Variants in HPSE2 observed in about 807,000 individuals in gnomAD.
HPSE2 encodes the protein heparanase 2 (inactive).
In HPSE2, 38 loss-of-function variants were observed where a neutral mutation model predicts 60.5. That is an observed-to-expected ratio of 0.63 (90% CI 0.48 to 0.82). The LOEUF is 0.82. HPSE2 is among the 40% of genes least tolerant of loss of function. The pLI, the probability that HPSE2 is intolerant of heterozygous loss-of-function variation, is 0.00. For synonymous variants in HPSE2, 295 were observed against 293.2 expected, an observed-to-expected ratio of 1.01 and a Z score of -0.06; for missense variants, 713 against 740.4, an observed-to-expected ratio of 0.96 and a Z score of 0.43.
At chr10:99,032,780 C>G (rs952147480) in intron 3 of HPSE2, among the ~76,000 whole-genome samples, 2 of 152,154 alleles carry the variant, frequency 1.3e-5, no homozygotes, top group African/African-American at 4.8e-5. Context: ...TGTCTAGAAG[C>G]TGTCCACACT....
chr10:98,579,460 A>AC (rs1315719411), intron 9 of HPSE2, among the ~76,000 whole-genome samples: 1 of 152,204 alleles, frequency 6.6e-6, no homozygotes, highest in Non-Finnish European at 1.5e-5. Context: ...TGTGGTAAGC[A>AC]AGTCACTCAG....
chr10:98,994,225 A>G (rs1320561921), intron 3 of HPSE2, among the ~76,000 whole-genome samples: 1 of 152,212 alleles, frequency 6.6e-6, no homozygotes, highest in Non-Finnish European at 1.5e-5. Flanking sequence ...ACCTCCTTTC[A>G]GTTAAGCAGC....
At chr10:98,850,551 A>G (rs2134731043) in intron 3 of HPSE2, among the ~76,000 whole-genome samples, 1 of 152,184 alleles carries the variant, frequency 6.6e-6, no homozygotes, top group African/African-American at 2.4e-5. Context: ...CCTGGCTAAC[A>G]CGGTGAAACC....
In HPSE2 at chr10:99,098,008, G is replaced by C. The variant is rs545422634; in HGVS notation, c.610+46230C>G. ...GAAGGTTCTATACTTCCCGCTGAGG[G>C]TCTATCTTTTCCATTTCCAAGTGTA... On this transcript the variant is annotated intron_variant, in intron 3 of 11. Transcript: ENST00000370552. 2.0e-5 allele frequency among the ~76,000 whole-genome samples: 3 copies of C among 152,244 alleles called. No homozygotes were observed. In the East Asian group the frequency reaches 5.8e-4, roughly 29 times the overall value.
At chr10:99,064,342 A>G (rs929340793) in intron 3 of HPSE2, among the ~76,000 whole-genome samples, 11 of 152,308 alleles carry the variant, frequency 7.2e-5, no homozygotes, top group African/African-American at 2.6e-4. Context: ...GCATAGTTTA[A>G]TCCTCTTATA....
At chr10:98,960,926 A>G (rs367690875) in intron 3 of HPSE2, among the ~76,000 whole-genome samples, 1 of 89,090 alleles carries the variant, frequency 1.1e-5, no homozygotes, top group Non-Finnish European at 2.0e-5. Context: ...AGAGTGTGAT[A>G]TTCCCCTTCC....
intron 3 of HPSE2, among the ~76,000 whole-genome samples, chr10:99,034,334 G>T (rs1957562502): frequency 6.6e-6 from 1 of 152,140 alleles, no homozygotes; most frequent in Non-Finnish European, 1.5e-5. Context: ...ATCTGTGGCT[G>T]CCATGGGTTG....
chr10:98,651,169 C>T (rs1375899820), intron 6 of HPSE2, among the ~76,000 whole-genome samples: 1 of 152,152 alleles, frequency 6.6e-6, no homozygotes, highest in African/African-American at 2.4e-5. Context: ...CTTTTTATGA[C>T]AATTGTCACT....
chr10:98,653,133 T>C (rs1946962965), intron 6 of HPSE2, among the ~76,000 whole-genome samples: 1 of 152,214 alleles, frequency 6.6e-6, no homozygotes, highest in Non-Finnish European at 1.5e-5. Flanking sequence ...CTGTTAATTG[T>C]CCTTGTTCTG....
In HPSE2 at chr10:98,840,760, T is replaced by A. The variant is rs553190232; in HGVS notation, c.611-96704A>T. On this transcript the variant is annotated intron_variant, in intron 3 of 11. Transcript: ENST00000370552. ...TTAGTCATACCAAGATACATGAAAA[T>A]GATATAAAGAAATTAGCATTTTTAG... 2.6e-5 allele frequency among the ~76,000 whole-genome samples: 4 copies of A among 151,882 alleles called. No homozygotes were observed. The South Asian group carries it at 8.3e-4, about 32-fold the overall frequency.
intron 3 of HPSE2, among the ~76,000 whole-genome samples, chr10:98,879,505 C>T (rs536565986): frequency 4.6e-5 from 7 of 152,118 alleles, no homozygotes; most frequent in African/African-American, 1.7e-4. Flanking sequence ...TCCTCCCTTA[C>T]AGGTATAGCA....
intron 5 of HPSE2, among the ~76,000 whole-genome samples, chr10:98,702,114 T>C (rs914425886): frequency 2.6e-5 from 4 of 152,072 alleles, no homozygotes; most frequent in Non-Finnish European, 5.9e-5. Context: ...TGGAGGAATA[T>C]TTACCAAGCA....
intron 3 of HPSE2, among the ~76,000 whole-genome samples, chr10:99,118,910 G>C (rs1844823812): frequency 6.6e-6 from 1 of 151,962 alleles, no homozygotes; most frequent in African/African-American, 2.4e-5. Context: ...CCAGCTACTT[G>C]GGAGATGAGG....
chr10:99,140,986 G>A (rs1202231567), intron 3 of HPSE2, among the ~76,000 whole-genome samples: 1 of 152,150 alleles, frequency 6.6e-6, no homozygotes, highest in East Asian at 1.9e-4. Flanking sequence ...GCAGTGAGCC[G>A]AGATTGTGCC....
chr10:99,235,999 CT>C (rs371950895), upstream of HPSE2: 26,319 of 330,566 alleles, frequency 0.08, 275 homozygotes, highest in East Asian at 0.22. Flanking sequence ...TTGTTTTTTT[CT>C]TTTTTTTTTT....
intron 3 of HPSE2, among the ~76,000 whole-genome samples, chr10:98,819,549 C>T (rs1369238748): frequency 6.6e-6 from 1 of 151,584 alleles, no homozygotes; most frequent in Admixed American, 6.6e-5. Context: ...AGCTGATTTA[C>T]ATCCCCATCA....
At chr10:98,683,715 A>C (rs548045036) in intron 6 of HPSE2, among the ~76,000 whole-genome samples, 1 of 152,162 alleles carries the variant, frequency 6.6e-6, no homozygotes, top group Non-Finnish European at 1.5e-5. Flanking sequence ...TGACTAATAA[A>C]AATTTCAGAA....
intron 3 of HPSE2, among the ~76,000 whole-genome samples, chr10:99,075,422 G>T (rs1346199657): frequency 6.6e-6 from 1 of 152,054 alleles, no homozygotes; most frequent in Non-Finnish European, 1.5e-5. Flanking sequence ...TCCTAAATTT[G>T]CTAAGACTTG....
intron 3 of HPSE2, among the ~76,000 whole-genome samples, chr10:98,919,938 T>C (rs893351500): frequency 1.8e-4 from 28 of 152,306 alleles, no homozygotes; most frequent in East Asian, 5.8e-4. Context: ...AGTACTCCAG[T>C]GTGGCAAGAC....
Sources: allele counts gnomAD v4.1 joint callset (sites outside exome capture counted in the v4.1 genomes callset), GRCh38; gene constraint gnomAD v4.1.1; transcripts MANE v1.5; gene names NCBI Gene and HGNC (gene_info 2026-07-23, HGNC 2026-07-21).